CTXND2: variants seen among roughly 807,000 people sequenced by gnomAD.
CTXND2 encodes the protein cortexin domain containing 2.
chr1:150,892,298 C>T (rs1668860633), intron 1 of CTXND2, among the ~76,000 whole-genome samples: 1 of 151,982 alleles, frequency 6.6e-6, no homozygotes, highest in African/African-American at 2.4e-5. Context: ...TCCTATTTTC[C>T]AGTATCTTAT....
intron 1 of CTXND2, among the ~76,000 whole-genome samples, chr1:150,900,725 C>T (rs1258475024): frequency 6.6e-6 from 1 of 151,894 alleles, no homozygotes; most frequent in Admixed American, 6.6e-5. Flanking sequence ...GGGTAATATC[C>T]CTAGTGTATA....
At chr1:150,893,827 GTTA>G (rs1668882687) in intron 1 of CTXND2, among the ~76,000 whole-genome samples, 1 of 152,022 alleles carries the variant, frequency 6.6e-6, no homozygotes, top group Non-Finnish European at 1.5e-5. Flanking sequence ...GCATGTGGGG[GTTA>G]TTTATGTCCT....
intron 1 of CTXND2, among the ~76,000 whole-genome samples, chr1:150,912,024 G>T (rs1451466409): frequency 6.6e-6 from 1 of 152,132 alleles, no homozygotes; most frequent in African/African-American, 2.4e-5. Context: ...ATTTGCTCAC[G>T]TTCTGCCTTG....
chr1:150,905,912 C>A (rs1669136435), intron 1 of CTXND2, among the ~76,000 whole-genome samples: 1 of 151,236 alleles, frequency 6.6e-6, no homozygotes, highest in African/African-American at 2.4e-5. Flanking sequence ...ATGGCGTGAA[C>A]CCGGGAGGCG....
At chr1:150,888,985 T>A (rs587649734) in intron 1 of CTXND2, among the ~76,000 whole-genome samples, 1 of 152,126 alleles carries the variant, frequency 6.6e-6, no homozygotes, top group Non-Finnish European at 1.5e-5. Context: ...ATTATAGGAA[T>A]GAATCACCGT....
exon 2 of CTXND2, chr1:150,913,223 ACTAACAC>A (rs1482396766): frequency 1.3e-5 from 2 of 152,200 alleles, no homozygotes; most frequent in African/African-American, 2.4e-5. Flanking sequence ...GTATGGTCTT[ACTAACAC>A]CTTGATTTTG....
At chr1:150,910,133 C>CTTTTTTTTTTTTT (rs1338323220) in intron 1 of CTXND2, among the ~76,000 whole-genome samples, 2 of 119,134 alleles carry the variant, frequency 1.7e-5, no homozygotes, top group African/African-American at 3.2e-5. Flanking sequence ...TTTTTTTTTT[C>CTTTTTTTTTTTTT]TTTTTTTTTT....
At chr1:150,898,134 C>T (rs1201152342) in intron 1 of CTXND2, among the ~76,000 whole-genome samples, 2 of 150,038 alleles carry the variant, frequency 1.3e-5, no homozygotes, top group East Asian at 2.0e-4. Context: ...TCCCAAGAAG[C>T]TAGCACTATA....
At chr1:150,912,499 G>A in exon 2 of CTXND2, 1 of 398,490 alleles carries the variant, frequency 2.5e-6, no homozygotes, top group Non-Finnish European at 4.4e-6. Context: ...ATAAAACCTG[G>A]TAGACTCCCC....
intron 1 of CTXND2, among the ~76,000 whole-genome samples, chr1:150,907,471 G>A (rs1669169976): frequency 6.6e-6 from 1 of 152,108 alleles, no homozygotes; most frequent in East Asian, 1.9e-4. Flanking sequence ...AATGCTTTAA[G>A]TTTCATCCAA....
intron 1 of CTXND2, among the ~76,000 whole-genome samples, chr1:150,902,092 T>C (rs1669048223): frequency 6.6e-6 from 1 of 151,600 alleles, no homozygotes; most frequent in South Asian, 2.1e-4. Flanking sequence ...ATGGTGAAAC[T>C]CCGTCTCTAC....
chr1:150,895,724 C>T (rs1180869880), intron 1 of CTXND2, among the ~76,000 whole-genome samples: 1 of 152,216 alleles, frequency 6.6e-6, no homozygotes, highest in Non-Finnish European at 1.5e-5. Context: ...AATATTCCCT[C>T]TTCCACCCTC....
At chr1:150,904,092 T>G in intron 1 of CTXND2, 4 of 664,434 alleles carry the variant, frequency 6.0e-6, no homozygotes, top group Non-Finnish European at 1.1e-5. Flanking sequence ...GATACGCTGA[T>G]GGAGTATTTG....
At chr1:150,890,629 A>C (rs587749051) in intron 1 of CTXND2, among the ~76,000 whole-genome samples, 1 of 152,176 alleles carries the variant, frequency 6.6e-6, no homozygotes, top group Non-Finnish European at 1.5e-5. Context: ...TCAGCCTCCC[A>C]AGTGGCTGAC....
chr1:150,900,274 G>A (rs1048889632), intron 1 of CTXND2, among the ~76,000 whole-genome samples: 5 of 151,466 alleles, frequency 3.3e-5, no homozygotes, highest in East Asian at 1.9e-4. Context: ...GAACAACTCC[G>A]GACTGCCACC....
At chr1:150,892,528 C>CTTTT (rs5777740) in intron 1 of CTXND2, among the ~76,000 whole-genome samples, 96 of 123,338 alleles carry the variant, frequency 7.8e-4, no homozygotes, top group East Asian at 2.1e-3. Context: ...TCTTCTTCTT[C>CTTTT]TTTTTTTTTT....
At chr1:150,903,281 G>A (rs996698895) in intron 1 of CTXND2, among the ~76,000 whole-genome samples, 11 of 151,854 alleles carry the variant, frequency 7.2e-5, no homozygotes, top group African/African-American at 2.4e-4. Context: ...TGGGGGTTGC[G>A]TATATAATTT....
intron 1 of CTXND2, among the ~76,000 whole-genome samples, chr1:150,900,255 G>C (rs371594553): frequency 1.3e-5 from 2 of 152,044 alleles, no homozygotes; most frequent in Non-Finnish European, 2.9e-5. Flanking sequence ...CGAACCCACC[G>C]AGAGGAACGA....
At chr1:150,899,266 T>C (rs1009104500) in intron 1 of CTXND2, among the ~76,000 whole-genome samples, 8 of 151,902 alleles carry the variant, frequency 5.3e-5, no homozygotes, top group Non-Finnish European at 1.0e-4. Context: ...AAGACCCCCA[T>C]CTCTACAAAT....
Sources: allele counts gnomAD v4.1 joint callset (sites outside exome capture counted in the v4.1 genomes callset), GRCh38; gene constraint gnomAD v4.1.1; transcripts MANE v1.5; gene names NCBI Gene and HGNC (gene_info 2026-07-23, HGNC 2026-07-21).